The following MAGOHB variants were observed in gnomAD, a reference collection of about 807,000 sequenced individuals.
MAGOHB encodes the protein mago homolog B, exon junction complex subunit.
Under a neutral mutation model 20.9 loss-of-function variants are expected in MAGOHB, and 15 were observed. The observed-to-expected ratio is 0.72, with a 90% CI of 0.48 to 1.11. MAGOHB has a LOEUF of 1.11. Ranked by LOEUF, MAGOHB falls within the 50% of genes least tolerant of loss-of-function variation. The pLI, the probability that MAGOHB is intolerant of heterozygous loss-of-function variation, is 0.00. For missense variants in MAGOHB, 162 were observed against 177.6 expected (o/e 0.91, Z 0.50); for synonymous variants, 50 against 57.9 (o/e 0.86, Z 0.62).
At position 10,613,591 on chromosome 12, in the gene MAGOHB, T is replaced by G. The variant is rs12814282; in HGVS notation, c.-59A>C. On this transcript the variant is annotated 5_prime_UTR_variant, in exon 1 of 5. Coordinates refer to ENST00000320756, the MANE Select transcript of MAGOHB (RefSeq NM_018048.5). The stretch of plus-strand genomic sequence containing the variant: ...CAACGTGTCCCCCGGCGCCTTGCAG[T>G]GACGTCATCGCGCGGAATAAGTGCG... 1 of 1,134,634 alleles carries G rather than the reference T, an allele frequency of 8.8e-7. No homozygotes were observed. Among genetic ancestry groups the G allele is most frequent in the Non-Finnish European group, 1.3e-6 (1 of 742,256 alleles). The allele number at this position is 1,134,634 out of a possible 1,614,324, so 70.3% of individuals were successfully genotyped here. A position where few individuals can be genotyped will look rare whatever the true frequency, so the allele number is the denominator to read the frequency against.
intron 3 of MAGOHB, chr12:10,608,813 G>C (rs1230016977): frequency 6.6e-6 from 1 of 152,122 alleles, no homozygotes; most frequent in Non-Finnish European, 1.5e-5. Context: ...GACACACACA[G>C]AATGGAGAAT....
At chr12:10,608,598 G>GCAA (rs1865670116) in intron 3 of MAGOHB, 2 of 73,826 alleles carry the variant, frequency 2.7e-5, no homozygotes, top group East Asian at 3.0e-3. Flanking sequence ...TTAAGAACTA[G>GCAA]TAAAAAAAAA....
intron 3 of MAGOHB, chr12:10,609,189 C>G: frequency 4.8e-6 from 1 of 209,392 alleles, no homozygotes; most frequent in Non-Finnish European, 1.0e-5. Flanking sequence ...ACATTTTCTT[C>G]TATTCAAAGA....
At chr12:10,609,810 A>G in intron 3 of MAGOHB, 21 bp downstream of exon 3, 1 of 1,420,454 alleles carries the variant, frequency 7.0e-7, no homozygotes, top group South Asian at 1.2e-5. Context: ...TTATACACTT[A>G]AAGAATCACT....
chr12:10,606,259 C>G lies in MAGOHB; in HGVS notation c.*16G>C. 1 of 1,307,834 alleles carries G rather than the reference C, an allele frequency of 7.6e-7. No individual in the cohort carries two copies. The highest frequency in any genetic ancestry group is 1.1e-6 in the Non-Finnish European group (1 of 944,744). The allele number at this position is 1,307,834 out of a possible 1,614,324, so 81.0% of individuals were successfully genotyped here. A position where few individuals can be genotyped will look rare whatever the true frequency, so the allele number is the denominator to read the frequency against. Reference sequence around the variant, plus strand: ...ATCCCTTAATTAAATATACAAACAGCCTGAAAACATACAATTTAAATTGGT... The same window carrying G: ...ATCCCTTAATTAAATATACAAACAGGCTGAAAACATACAATTTAAATTGGT... On this transcript the variant is annotated 3_prime_UTR_variant, in exon 5 of 5. Transcript: ENST00000320756.
Position 10,609,889 on chromosome 12 carries a change from C to T in MAGOHB, c.206G>A (p.Ser69Asn). The T allele has an allele frequency of 6.2e-7, 1 of 1,612,964 alleles. No homozygotes were observed. Among genetic ancestry groups the T allele is most frequent in the East Asian group, 2.2e-5 (1 of 44,838 alleles). ...MEELKRIIDD[S>N]EITKEDDALW... ...AGCATCATCTTCTTTTGTAATTTCACTGTCATCAATAATTCTCTTCAGTTC... is the reference window on the plus strand; with the variant it reads ...AGCATCATCTTCTTTTGTAATTTCATTGTCATCAATAATTCTCTTCAGTTC... The change falls in exon 3 of 5, where the codon AGT becomes AAT. Residue 69 changes from serine to asparagine, a missense_variant. Transcript: ENST00000320756.
Position 10,606,060 on chromosome 12 carries a change from T to C in MAGOHB, c.*215A>G. 3.1e-6 allele frequency: 1 copy of C among 318,074 alleles called. No individual in the cohort carries two copies. Among genetic ancestry groups the C allele is most frequent in the Non-Finnish European group, 5.9e-6 (1 of 170,254 alleles). 19.7% of individuals were successfully genotyped at this position (318,074 alleles called of 1,614,324 possible). A position where few individuals can be genotyped will look rare whatever the true frequency, so the allele number is the denominator to read the frequency against. On this transcript the variant is annotated 3_prime_UTR_variant, in exon 5 of 5. Coordinates refer to ENST00000320756, the MANE Select transcript of MAGOHB (RefSeq NM_018048.5). ...GAGCAAATTTTTAACAAAAGGTGGC[T>C]TTCATTTACAGAATTTAATGTGTGT...
In MAGOHB at chr12:10,613,443, C is replaced by T. The variant is rs960469336; in HGVS notation, c.90G>A (p.Pro30=). The change falls in exon 1 of 5, where the codon CCG becomes CCA. Residue 30 remains proline, a synonymous_variant. Transcript: ENST00000320756. ...GHEFLEFEFR[P]DGKLRYANNS... ...GTGCCGTGGGCCTCTTCTCACCGTCCGGCCGAAATTCGAACTCCAGAAACT... is the reference window on the plus strand; with the variant it reads ...GTGCCGTGGGCCTCTTCTCACCGTCTGGCCGAAATTCGAACTCCAGAAACT... The T allele has an allele frequency of 1.2e-6, 2 of 1,613,930 alleles. No homozygotes were observed. The highest frequency in any genetic ancestry group is 3.3e-5 in the Admixed American group (2 of 59,996).
intron 4 of MAGOHB, 125 bp downstream of exon 4, chr12:10,607,729 G>A (rs3947920): frequency 0.79 from 494,092 of 624,758 alleles, 197,294 homozygotes; most frequent in East Asian, 0.99. Context: ...TAAAAATCAG[G>A]ATTACATCTG....
At chr12:10,609,551 G>T (rs1865686024) in intron 3 of MAGOHB, 1 of 442,306 alleles carries the variant, frequency 2.3e-6, no homozygotes, top group Non-Finnish European at 4.1e-6. Context: ...ACACACAACA[G>T]AAATTATTCA....
intron 4 of MAGOHB, among the ~76,000 whole-genome samples, chr12:10,606,651 AT>A (rs1418205331): frequency 3.3e-5 from 5 of 152,242 alleles, no homozygotes; most frequent in Non-Finnish European, 5.9e-5. Flanking sequence ...GCAGAAAAAA[AT>A]AATACTGTAA....
rs142789335 is a variant in MAGOHB, at chr12:10,608,057, G to A, written c.265-121C>T. 1.4e-3 allele frequency: 839 copies of A among 583,260 alleles called. 8 individuals are homozygous for A. The African/African-American group carries it at 0.015, about 10-fold the overall frequency. The allele number at this position is 583,260 out of a possible 1,614,324, so 36.1% of individuals were successfully genotyped here. On this transcript the variant is annotated intron_variant, in intron 3 of 4. Coordinates refer to ENST00000320756, the MANE Select transcript of MAGOHB (RefSeq NM_018048.5). ...TTTTCTAGCAGCCAACAGAGGGAGT[G>A]GGGGGCGAGGGGGAAAGAAACATGG...
At position 10,604,645 on chromosome 12, in the gene MAGOHB, G is replaced by A. The variant is rs949683482; in HGVS notation, c.*1630C>T. 6.6e-6 allele frequency: 1 copy of A among 152,184 alleles called. No homozygotes were observed. The highest frequency in any genetic ancestry group is 2.4e-5 in the African/African-American group (1 of 41,448). The allele number at this position is 152,184 out of a possible 1,614,324, so 9.4% of individuals were successfully genotyped here. On this transcript the variant is annotated 3_prime_UTR_variant, in exon 5 of 5. Transcript: ENST00000320756. ...AAAAGACGATTGTTCCTGTTTCTGA[G>A]GTTGACATCTAAATGCAAGAAAATT...
Position 10,606,153 on chromosome 12 carries a change from T to G in MAGOHB, c.*122A>C. On this transcript the variant is annotated 3_prime_UTR_variant, in exon 5 of 5. Coordinates refer to ENST00000320756, the MANE Select transcript of MAGOHB (RefSeq NM_018048.5). ...TAAGCTTGCTAATGTATTTTCTTAT[T>G]TTCAGTTTACATACAAATTTTTTTT... The G allele has an allele frequency of 1.8e-6, 1 of 564,752 alleles. No homozygotes were observed. Among genetic ancestry groups the G allele is most frequent in the Non-Finnish European group, 3.1e-6 (1 of 321,288 alleles). 35.0% of individuals were successfully genotyped at this position (564,752 alleles called of 1,614,324 possible).
intron 4 of MAGOHB, among the ~76,000 whole-genome samples, chr12:10,607,096 G>A (rs1865642827): frequency 6.6e-6 from 1 of 152,144 alleles, no homozygotes; most frequent in Non-Finnish European, 1.5e-5. Flanking sequence ...AAAAGCATTT[G>A]GATGGTCTTT....
At chr12:10,608,587 A>C (rs1865669654) in intron 3 of MAGOHB, 1 of 147,112 alleles carries the variant, frequency 6.8e-6, no homozygotes, top group Non-Finnish European at 1.5e-5. Context: ...AATAACTAAA[A>C]TTAAGAACTA....
At chr12:10,612,168 G>A (rs1865755178) in intron 1 of MAGOHB, among the ~76,000 whole-genome samples, 2 of 151,424 alleles carry the variant, frequency 1.3e-5, no homozygotes, top group Non-Finnish European at 2.9e-5. Context: ...TGGGCAACAT[G>A]GGGAAACCCA....
At chr12:10,610,576 G>GAAAAA in intron 2 of MAGOHB, 46 bp downstream of exon 2, 1 of 520,574 alleles carries the variant, frequency 1.9e-6, no homozygotes, top group Non-Finnish European at 2.4e-6. Flanking sequence ...TGGGCTAAAT[G>GAAAAA]CAAAAAAAAA....
At chr12:10,609,493 T>A (rs1865685060) in intron 3 of MAGOHB, 2 of 374,482 alleles carry the variant, frequency 5.3e-6, no homozygotes, top group Admixed American at 3.7e-5. Flanking sequence ...AAGTTATGAT[T>A]TGGCAAAAAT....
Sources: gnomAD v4.1 joint callset for allele counts (sites outside exome capture counted in the v4.1 genomes callset) on GRCh38, gnomAD v4.1.1 for gene constraint, MANE v1.5 for transcripts, NCBI Gene and HGNC (gene_info 2026-07-23, HGNC 2026-07-21) for gene names.